Variants in CFAP91 observed in about 807,000 individuals in gnomAD.
The protein encoded by CFAP91 is cilia- and flagella-associated protein 91.
Under a neutral mutation model 95.9 loss-of-function variants are expected in CFAP91, and 85 were observed. The ratio of observed to expected loss-of-function variants is 0.89; its 90% CI spans 0.74 to 1.06. The LOEUF is 1.06. Ranked by LOEUF, CFAP91 falls within the 50% of genes least tolerant of loss-of-function variation. The pLI, the probability that CFAP91 is intolerant of heterozygous loss-of-function variation, is 0.00. For synonymous variants in CFAP91, 335 were observed against 327.5 expected (o/e 1.02, Z -0.25); for missense variants, 962 against 943.4 (o/e 1.02, Z -0.26).
At chr3:119,762,485 T>C (rs2054554959) in intron 17 of CFAP91, among the ~76,000 whole-genome samples, 1 of 151,928 alleles carries the variant, frequency 6.6e-6, no homozygotes, top group Non-Finnish European at 1.5e-5. Flanking sequence ...GAAAAGGCAA[T>C]CCTAAAATTC....
chr3:119,706,772 TTCTA>T (rs2053372856), intron 1 of CFAP91, 33 bp from the exon 2 acceptor site: 1 of 1,475,890 alleles, frequency 6.8e-7, no homozygotes, highest in Non-Finnish European at 9.5e-7. Context: ...GGTAGATATG[TTCTA>T]TCTGTTATGC....
At chr3:119,734,483 T>G (rs1435068226) in intron 10 of CFAP91, among the ~76,000 whole-genome samples, 1 of 152,218 alleles carries the variant, frequency 6.6e-6, no homozygotes, top group East Asian at 1.9e-4. Flanking sequence ...CTTCTTAATT[T>G]ACTAAAGCCT....
intron 5 of CFAP91, chr3:119,710,181 A>G (rs2053448036): frequency 3.6e-6 from 1 of 274,042 alleles, no homozygotes; most frequent in African/African-American, 2.2e-5. Flanking sequence ...GGATTATGAT[A>G]TAAAATGTAT....
chr3:119,703,322 G>T (rs2053294070), intron 1 of CFAP91, 100 bp downstream of exon 1: 1 of 1,522,532 alleles, frequency 6.6e-7, no homozygotes, highest in Non-Finnish European at 8.9e-7. Flanking sequence ...AACGAAACAC[G>T]ACCCTCTGGA....
rs149469561 is a variant in CFAP91 at position 119,729,536 on chromosome 3, C to T, written c.861-684C>T. On this transcript the variant is annotated intron_variant, in intron 7 of 17. Coordinates refer to ENST00000273390, the MANE Select transcript of CFAP91 (RefSeq NM_033364.4). ...GTGGGTGCCTGTAGTCCCAGCTACTCGGGAGGCTGACCCATGAAAACTGCT... is the reference window on the plus strand; with the variant it reads ...GTGGGTGCCTGTAGTCCCAGCTACTTGGGAGGCTGACCCATGAAAACTGCT... Among the ~76,000 whole-genome samples the T allele has an allele frequency of 2.2e-3, 330 of 151,396 alleles. 1 individual carries two copies. Among genetic ancestry groups the T allele is most frequent in the African/African-American group, 6.6e-3 (270 of 41,220 alleles).
At chr3:119,708,467 G>T in intron 3 of CFAP91, 124 bp from the exon 4 acceptor site, 1 of 649,212 alleles carries the variant, frequency 1.5e-6, no homozygotes, top group Non-Finnish European at 2.7e-6. Flanking sequence ...GCAGGTTATG[G>T]AAGACTTTAC....
chr3:119,725,103 A>G (rs2053756666), intron 6 of CFAP91, among the ~76,000 whole-genome samples: 1 of 152,266 alleles, frequency 6.6e-6, no homozygotes, highest in Non-Finnish European at 1.5e-5. Context: ...AAATGAAAAT[A>G]AAACAAAGGT....
chr3:119,706,299 A>G (rs1266818451), intron 1 of CFAP91: 4 of 152,650 alleles, frequency 2.6e-5, no homozygotes, highest in Non-Finnish European at 5.9e-5. Context: ...TAAGGGGTGA[A>G]TTCTGAAGAT....
At chr3:119,706,756 C>A in intron 1 of CFAP91, 53 bp from the exon 2 acceptor site, 1 of 1,336,544 alleles carries the variant, frequency 7.5e-7, no homozygotes, top group Non-Finnish European at 1.1e-6. Flanking sequence ...TTATTCTCAG[C>A]CTAGGGGTAG....
rs9819218 is a variant in CFAP91, at chr3:119,730,318, C to G, written c.959C>G (p.Ser320Cys). 4,633 of 1,613,964 alleles carry G rather than the reference C, an allele frequency of 2.9e-3. 116 individuals carry two copies. The African/African-American group carries it at 0.054, about 19-fold the overall frequency. The change falls in exon 8 of 18, where the codon TCT becomes TGT. Residue 320 changes from serine to cysteine, a missense_variant. Ser to Cys is a moderately radical substitution (Grantham distance 112). Coordinates refer to ENST00000273390, the MANE Select transcript of CFAP91 (RefSeq NM_033364.4). The stretch of plus-strand genomic sequence containing the variant: ...ATGAAGCACTTGAATGCCCGGTGGT[C>G]TAAACTGCAGGAGGGAAAAGAGGCA... ...VNMKHLNARW[S>C]KLQEGKEAKM...
intron 12 of CFAP91, among the ~76,000 whole-genome samples, 197 bp from the exon 13 acceptor site, chr3:119,740,352 T>A (rs1559762209): frequency 6.6e-6 from 1 of 152,216 alleles, no homozygotes; most frequent in Non-Finnish European, 1.5e-5. Flanking sequence ...CTAAGCCCAT[T>A]TTCTGCCTGA....
rs1041322478 is a variant in CFAP91 at position 119,708,108 on chromosome 3, C to T, written c.360-483C>T. 4.0e-5 allele frequency among the ~76,000 whole-genome samples: 6 copies of T among 151,868 alleles called. No individual in the cohort carries two copies. The South Asian group carries it at 6.3e-4, about 16-fold the overall frequency. On this transcript the variant is annotated intron_variant, in intron 3 of 17. Coordinates refer to ENST00000273390, the MANE Select transcript of CFAP91 (RefSeq NM_033364.4). ...CATCCTGGCTAACACGGTGAAACCCCGTCTCTACTAAAAATACAAAAAGTT... is the reference window on the plus strand; with the variant it reads ...CATCCTGGCTAACACGGTGAAACCCTGTCTCTACTAAAAATACAAAAAGTT...
Position 119,732,215 on chromosome 3 carries a change from C to G in CFAP91, c.1019-79C>G, listed in dbSNP as rs2053912315. The G allele has an allele frequency of 5.5e-6, 6 of 1,088,176 alleles. No individual in the cohort carries two copies. In the East Asian group the frequency reaches 1.3e-4, roughly 23 times the overall value. 67.4% of individuals were successfully genotyped at this position (1,088,176 alleles called of 1,614,324 possible). Reference sequence around the variant, plus strand: ...TTCAATAGCTTCTCTGTGAATAACACTAGCATTGGCTTACTCTTCTGCATT... The same window carrying G: ...TTCAATAGCTTCTCTGTGAATAACAGTAGCATTGGCTTACTCTTCTGCATT... On this transcript the variant is annotated intron_variant, in intron 8 of 17. Transcript: ENST00000273390.
intron 8 of CFAP91, 48 bp downstream of exon 8, chr3:119,730,425 C>T: frequency 6.4e-7 from 1 of 1,569,228 alleles, no homozygotes; most frequent in Non-Finnish European, 8.7e-7. Context: ...GTGGGCTTTG[C>T]TTTGGATCTT....
At chr3:119,711,579 T>C (rs2053474629) in intron 5 of CFAP91, among the ~76,000 whole-genome samples, 1 of 152,348 alleles carries the variant, frequency 6.6e-6, no homozygotes, top group African/African-American at 2.4e-5. Context: ...ACCATGACAT[T>C]TGACATTGTA....
At position 119,733,383 on chromosome 3, in the gene CFAP91, A is replaced by C. The variant is rs760829177; in HGVS notation, c.1221A>C (p.Ser407=). The C allele has an allele frequency of 2.5e-6, 4 of 1,614,092 alleles. No individual in the cohort carries two copies. The East Asian group carries it at 8.9e-5, about 36-fold the overall frequency. ...CCATAGGATTAGTGGAACTTGAGTCATGTCTCCCAGATTTTGTGACACAAC... is the reference window on the plus strand; with the variant it reads ...CCATAGGATTAGTGGAACTTGAGTCCTGTCTCCCAGATTTTGTGACACAAC... ...NTYEGLVELE[S]CLPDFVTQPQ... The change falls in exon 10 of 18, where the codon TCA becomes TCC. Residue 407 remains serine (S), a synonymous_variant. Transcript: ENST00000273390.
At chr3:119,722,053 G>A (rs2053694972) in intron 6 of CFAP91, among the ~76,000 whole-genome samples, 1 of 151,784 alleles carries the variant, frequency 6.6e-6, no homozygotes, top group Non-Finnish European at 1.5e-5. Context: ...CACACCTGTG[G>A]TCCTAGCTAC....
At chr3:119,717,693 C>T (rs1179661909) in intron 6 of CFAP91, among the ~76,000 whole-genome samples, 3 of 152,166 alleles carry the variant, frequency 2.0e-5, no homozygotes, top group South Asian at 4.1e-4. Context: ...TTTCTCTCCC[C>T]ACCCTGGCTC....
In CFAP91 at chr3:119,715,740, TG is replaced by T; in HGVS notation, c.682+1del. The T allele has an allele frequency of 6.2e-7, 1 of 1,613,646 alleles. No individual in the cohort carries two copies. Among genetic ancestry groups the T allele is most frequent in the Non-Finnish European group, 8.5e-7 (1 of 1,179,546 alleles). ...GCTCTTGACCCTGGCTACGCTTACT[TG>T]GGGTGAGTTGGTAAATCTCCTGACT... ...PELLTLATLT[W>X]GRGLPAGQAE... On this transcript the variant is annotated frameshift_variant and splice_region_variant, in exon 6 of 18. Transcript: ENST00000273390. LOFTEE classifies it high-confidence loss of function.
Sources: gnomAD v4.1 joint callset for allele counts (sites outside exome capture counted in the v4.1 genomes callset) on GRCh38, gnomAD v4.1.1 for gene constraint, MANE v1.5 for transcripts, NCBI Gene and HGNC (gene_info 2026-07-23, HGNC 2026-07-21) for gene names.